MITF: variants seen among roughly 807,000 people sequenced by gnomAD.
MITF encodes melanocyte inducing transcription factor, also known as microphthalmia-associated transcription factor.
In MITF, 17 loss-of-function variants were observed where a neutral mutation model predicts 60.5. That is an observed-to-expected ratio of 0.28 (90% CI 0.19 to 0.42). The LOEUF is 0.42. Ranked by LOEUF, MITF falls within the 10% of genes least tolerant of loss-of-function variation. The pLI, the probability that MITF is intolerant of heterozygous loss-of-function variation, is 1.00. For synonymous variants in MITF, 260 were observed against 248.5 expected (o/e 1.05, Z -0.43); for missense variants, 622 against 683.5 (o/e 0.91, Z 1.00).
chr3:69,944,630 A>G (rs930047148), intron 5 of MITF, among the ~76,000 whole-genome samples: 2 of 152,128 alleles, frequency 1.3e-5, no homozygotes, highest in African/African-American at 4.8e-5. Flanking sequence ...ACAGACTCTG[A>G]ACCAGACATC....
intron 1 of MITF, among the ~76,000 whole-genome samples, chr3:69,776,162 T>C (rs2062470415): frequency 6.6e-6 from 1 of 152,228 alleles, no homozygotes; most frequent in African/African-American, 2.4e-5. Flanking sequence ...TATTCACCAA[T>C]GTGGCACTTG....
intron 6 of MITF, among the ~76,000 whole-genome samples, chr3:69,950,486 A>G (rs2066218769): frequency 6.7e-6 from 1 of 148,646 alleles, no homozygotes; most frequent in Non-Finnish European, 1.5e-5. Context: ...ATGCACACAC[A>G]TACACACACA....
At chr3:69,752,051 C>A (rs1003853227) in intron 1 of MITF, 1 of 152,240 alleles carries the variant, frequency 6.6e-6, no homozygotes, top group African/African-American at 2.4e-5. Context: ...TTTCCTGAGG[C>A]CTCCCCTGAA....
At chr3:69,849,547 T>TA (rs1161560876) in intron 1 of MITF, among the ~76,000 whole-genome samples, 1 of 152,216 alleles carries the variant, frequency 6.6e-6, no homozygotes, top group African/African-American at 2.4e-5. Flanking sequence ...AGACTGTTCT[T>TA]ATGCTCATTT....
In MITF at chr3:69,967,189, A is replaced by G. The variant is rs192503700; in HGVS notation, c.*1941A>G. The G allele has an allele frequency of 6.3e-4, 147 of 232,484 alleles. 1 individual carries two copies. The highest frequency in any genetic ancestry group is 2.0e-4 in the Non-Finnish European group (24 of 117,278). The allele number at this position is 232,484 out of a possible 1,614,324, so 14.4% of individuals were successfully genotyped here. A position where few individuals can be genotyped will look rare whatever the true frequency, so the allele number is the denominator to read the frequency against. The stretch of plus-strand genomic sequence containing the variant: ...TGCATAGTTCCCATGCACGCTGGGC[A>G]ATGAGAATCCTTGGAAACATTGGTG... On this transcript the variant is annotated 3_prime_UTR_variant, in exon 10 of 10. Coordinates refer to ENST00000352241, the MANE Select transcript of MITF (RefSeq NM_001354604.2).
At chr3:69,841,454 A>G (rs141840916) in intron 1 of MITF, among the ~76,000 whole-genome samples, 2 of 152,300 alleles carry the variant, frequency 1.3e-5, no homozygotes, top group African/African-American at 2.4e-5. Context: ...ATACAAGTCC[A>G]TTTTCTTTTC....
intron 1 of MITF, among the ~76,000 whole-genome samples, chr3:69,848,731 C>A (rs193148282): frequency 3.2e-3 from 488 of 152,190 alleles, no homozygotes; most frequent in African/African-American, 0.011. Flanking sequence ...ATCTGCTTCG[C>A]TCGTGATCTC....
At chr3:69,823,652 G>T (rs1252711503) in intron 1 of MITF, among the ~76,000 whole-genome samples, 1 of 152,150 alleles carries the variant, frequency 6.6e-6, no homozygotes, top group East Asian at 1.9e-4. Context: ...ATGTATTATG[G>T]ATTATAGTTA....
intron 1 of MITF, among the ~76,000 whole-genome samples, chr3:69,806,306 T>G (rs538956148): frequency 6.6e-6 from 1 of 152,100 alleles, no homozygotes; most frequent in East Asian, 1.9e-4. Context: ...AGGCTGGTCT[T>G]GAACTCCTGA....
At chr3:69,920,113 G>A (rs1032186081) in intron 2 of MITF, among the ~76,000 whole-genome samples, 3 of 152,176 alleles carry the variant, frequency 2.0e-5, no homozygotes, top group African/African-American at 7.2e-5. Context: ...TAGGAGCTGA[G>A]GGGACTTAGT....
At chr3:69,765,575 T>A (rs2062277593) in intron 1 of MITF, among the ~76,000 whole-genome samples, 1 of 152,202 alleles carries the variant, frequency 6.6e-6, no homozygotes, top group African/African-American at 2.4e-5. Flanking sequence ...AAAAGAAAAA[T>A]AAGATTAAAC....
intron 6 of MITF, among the ~76,000 whole-genome samples, chr3:69,949,475 T>A (rs932427585): frequency 3.3e-5 from 5 of 152,116 alleles, no homozygotes; most frequent in African/African-American, 7.2e-5. Flanking sequence ...AGTAGGCAAC[T>A]CTTTCAGCTG....
In MITF at chr3:69,895,155, G is replaced by A. The variant is rs116722366; in HGVS notation, c.354+15772G>A. Among the ~76,000 whole-genome samples the A allele has an allele frequency of 9.8e-3, 1,487 of 152,192 alleles. 15 individuals carry two copies. Among genetic ancestry groups the A allele is most frequent in the Non-Finnish European group, 0.017 (1,124 of 68,022 alleles). ...TTTGTGATAAGATGAAGGTGACAAA[G>A]GACTTTAAAAGCCTTGAAAGAAACA... is the stretch of plus-strand genomic sequence containing the variant. On this transcript the variant is annotated intron_variant, in intron 2 of 9. Transcript: ENST00000352241.
At position 69,956,937 on chromosome 3, in the gene MITF, C is replaced by T. The variant is rs541912731; in HGVS notation, c.1031+407C>T. ...GTACCTCTAAATAGGCACTGATGAACAGACATTAGAGACTTAAAGTTTAAT... is the reference window on the plus strand; with the variant it reads ...GTACCTCTAAATAGGCACTGATGAATAGACATTAGAGACTTAAAGTTTAAT... On this transcript the variant is annotated intron_variant, in intron 8 of 9. Coordinates refer to ENST00000352241, the MANE Select transcript of MITF (RefSeq NM_001354604.2). 2.6e-5 allele frequency among the ~76,000 whole-genome samples: 4 copies of T among 152,266 alleles called. No individual in the cohort carries two copies. In the East Asian group the frequency reaches 5.8e-4, roughly 22 times the overall value.
At chr3:69,840,244 CT>C (rs1206323451) in intron 1 of MITF, among the ~76,000 whole-genome samples, 1 of 152,156 alleles carries the variant, frequency 6.6e-6, no homozygotes, top group Non-Finnish European at 1.5e-5. Context: ...GCTTTCACCC[CT>C]TCTCAAAAGG....
chr3:69,809,802 G>A (rs1440701712), intron 1 of MITF, among the ~76,000 whole-genome samples: 3 of 151,984 alleles, frequency 2.0e-5, no homozygotes, highest in Non-Finnish European at 2.9e-5. Flanking sequence ...ATGGCTTTTA[G>A]CATTATGGCA....
intron 1 of MITF, among the ~76,000 whole-genome samples, chr3:69,791,313 T>C (rs931214426): frequency 2.0e-5 from 3 of 152,206 alleles, no homozygotes; most frequent in Non-Finnish European, 2.9e-5. Flanking sequence ...GAAAACTCCA[T>C]GATCGCTGAA....
chr3:69,878,975 C>T, intron 1 of MITF, 159 bp from the exon 2 acceptor site: 4 of 662,760 alleles, frequency 6.0e-6, no homozygotes, highest in Non-Finnish European at 1.1e-5. Context: ...TAAATCCTGT[C>T]ACCTCTTGAT....
intron 2 of MITF, among the ~76,000 whole-genome samples, chr3:69,918,858 T>G (rs2065397669): frequency 6.6e-6 from 1 of 152,242 alleles, no homozygotes; most frequent in Non-Finnish European, 1.5e-5. Context: ...ATTCTCATAC[T>G]CTCCAATAAC....
Sources: gnomAD v4.1 joint callset for allele counts (sites outside exome capture counted in the v4.1 genomes callset) on GRCh38, gnomAD v4.1.1 for gene constraint, MANE v1.5 for transcripts, NCBI Gene and HGNC (gene_info 2026-07-23, HGNC 2026-07-21) for gene names.